ARMC2: variants seen among roughly 807,000 people sequenced by gnomAD.
The protein encoded by ARMC2 is armadillo repeat-containing protein 2.
A neutral mutation model predicts 90.3 loss-of-function variants in ARMC2; 67 were observed. That is an observed-to-expected ratio of 0.74 (90% CI 0.61 to 0.91). The LOEUF (loss-of-function observed/expected upper bound fraction) is 0.91, where lower values mean the gene tolerates loss of function less well. Ranked by LOEUF, ARMC2 falls within the 40% of genes least tolerant of loss-of-function variation. ARMC2 has a pLI of 0.00. For synonymous variants in ARMC2, 393 were observed against 393.0 expected (o/e 1.00, Z 0.00); for missense variants, 920 against 1,030.9 (o/e 0.89, Z 1.47).
the ARMC2 span, among the ~76,000 whole-genome samples, chr6:108,991,156 C>G: frequency 9.9e-5 from 15 of 152,202 alleles, no homozygotes; most frequent in Non-Finnish European, 2.1e-4. Flanking sequence ...CTCAGCCCCC[C>G]AGATGTGACC....
intron 5 of ARMC2, among the ~76,000 whole-genome samples, chr6:108,890,229 A>C (rs1212355346): frequency 3.2e-5 from 4 of 125,238 alleles, no homozygotes; most frequent in Admixed American, 1.6e-4. Context: ...AAAAAAAAAA[A>C]CAGTGGTTTC....
chr6:108,873,016 T>C (rs1776579099), intron 4 of ARMC2, among the ~76,000 whole-genome samples: 1 of 152,170 alleles, frequency 6.6e-6, no homozygotes, highest in East Asian at 1.9e-4. Flanking sequence ...ATCTGTCTTT[T>C]GGGAACACAA....
intron 4 of ARMC2, among the ~76,000 whole-genome samples, chr6:108,874,684 G>A: frequency 6.6e-6 from 1 of 152,134 alleles, no homozygotes; most frequent in African/African-American, 2.4e-5. Flanking sequence ...GGTGTGAATT[G>A]AGCATCCACA....
chr6:108,959,613 C>T (rs1425142363), intron 13 of ARMC2: 3 of 152,162 alleles, frequency 2.0e-5, no homozygotes, highest in African/African-American at 7.2e-5. Flanking sequence ...AAGCTGCAGT[C>T]ACTGGCTCAG....
chr6:108,884,709 A>G lies in ARMC2; in HGVS notation c.671+8359A>G, dbSNP rs142838411. Reference sequence around the variant, plus strand: ...AGGGACACATGACAGATGGCCTTCAATGCTACTCCCAGGTATGTGGGTCCA... The same window carrying G: ...AGGGACACATGACAGATGGCCTTCAGTGCTACTCCCAGGTATGTGGGTCCA... On this transcript the variant is annotated intron_variant, in intron 5 of 17. Coordinates refer to ENST00000392644, the MANE Select transcript of ARMC2 (RefSeq NM_032131.6). Among the ~76,000 whole-genome samples the G allele has an allele frequency of 4.2e-4, 64 of 152,330 alleles. 1 individual carries two copies. Among genetic ancestry groups the G allele is most frequent in the African/African-American group, 1.4e-3 (58 of 41,582 alleles).
At chr6:108,930,695 C>T (rs1775469554) in intron 11 of ARMC2, among the ~76,000 whole-genome samples, 1 of 145,762 alleles carries the variant, frequency 6.9e-6, no homozygotes, top group Non-Finnish European at 1.5e-5. Flanking sequence ...CTCCCAGGTT[C>T]ATGCCATTCT....
intron 5 of ARMC2, among the ~76,000 whole-genome samples, chr6:108,891,831 T>C (rs1231862956): frequency 6.6e-6 from 1 of 152,274 alleles, no homozygotes; most frequent in Non-Finnish European, 1.5e-5. Flanking sequence ...CATGCCTATG[T>C]CCTGAATGGT....
At chr6:108,854,119 A>G (rs950365319) in intron 1 of ARMC2, 106 bp from the exon 2 acceptor site, 7 of 585,382 alleles carry the variant, frequency 1.2e-5, no homozygotes, top group Non-Finnish European at 2.0e-5. Context: ...TGGATTTTTA[A>G]AAGCTTAATA....
At chr6:108,884,084 A>C (rs1055892501) in intron 5 of ARMC2, among the ~76,000 whole-genome samples, 18 of 152,226 alleles carry the variant, frequency 1.2e-4, no homozygotes, top group African/African-American at 3.6e-4. Flanking sequence ...AATGTGGCTG[A>C]GAAACTTTCC....
chr6:109,030,123 T>C, the ARMC2 span, among the ~76,000 whole-genome samples: 1 of 152,178 alleles, frequency 6.6e-6, no homozygotes, highest in East Asian at 1.9e-4. Flanking sequence ...CTGCTTCCTC[T>C]GATTCTCCAC....
chr6:108,935,677 A>G (rs537713104), intron 11 of ARMC2, among the ~76,000 whole-genome samples: 5 of 152,188 alleles, frequency 3.3e-5, no homozygotes, highest in Admixed American at 6.5e-5. Context: ...TCCTGGCCTC[A>G]AGTGATCCTC....
chr6:108,938,970 A>G (rs1233939515), intron 12 of ARMC2, among the ~76,000 whole-genome samples: 1 of 152,132 alleles, frequency 6.6e-6, no homozygotes, highest in Non-Finnish European at 1.5e-5. Flanking sequence ...GAGTAACTAA[A>G]TGTCCTAAAG....
intron 13 of ARMC2, among the ~76,000 whole-genome samples, chr6:108,954,589 A>G (rs1470194723): frequency 6.6e-6 from 1 of 152,210 alleles, no homozygotes; most frequent in Non-Finnish European, 1.5e-5. Context: ...GTGCCACTGC[A>G]TTCCAGCCTA....
chr6:108,962,036 T>C lies in ARMC2; in HGVS notation c.2061T>C (p.Ser687=), dbSNP rs1191296458. The C allele has an allele frequency of 2.5e-6, 4 of 1,612,300 alleles. No individual in the cohort carries two copies. The highest frequency in any genetic ancestry group is 1.3e-5 in the African/African-American group (1 of 74,880). The part of the protein sequence containing the change: ...IAELLLKLLV[S]NNMDGILEAV... ...CAGTGCTCTTAAAGCTTCTTGTCAG[T>C]AACAACATGGATGGAATCCTGGAGG... Residue 687 remains serine, a synonymous_variant, in exon 15 of 18, where the codon AGT becomes AGC. Coordinates refer to ENST00000392644, the MANE Select transcript of ARMC2 (RefSeq NM_032131.6).
chr6:109,043,964 AT>A, the ARMC2 span, among the ~76,000 whole-genome samples: 1 of 152,196 alleles, frequency 6.6e-6, no homozygotes, highest in Non-Finnish European at 1.5e-5. Context: ...ACACATATCA[AT>A]GGAACAGAAT....
At chr6:109,015,439 T>C in the ARMC2 span, among the ~76,000 whole-genome samples, 1 of 152,330 alleles carries the variant, frequency 6.6e-6, no homozygotes, top group Non-Finnish European at 1.5e-5. Flanking sequence ...CAAGATACCA[T>C]TGTTTGACAA....
At chr6:108,939,344 C>G (rs1776250428) in intron 12 of ARMC2, among the ~76,000 whole-genome samples, 1 of 152,000 alleles carries the variant, frequency 6.6e-6, no homozygotes, top group Admixed American at 6.6e-5. Context: ...GGAGGTGGGG[C>G]CTGGTGGGAG....
intron 8 of ARMC2, among the ~76,000 whole-genome samples, chr6:108,905,918 G>T (rs769646437): frequency 1.3e-5 from 2 of 152,150 alleles, no homozygotes; most frequent in African/African-American, 2.4e-5. Flanking sequence ...TCTACTGCCT[G>T]GATCTCCTGT....
intron 12 of ARMC2, among the ~76,000 whole-genome samples, chr6:108,941,726 A>C (rs1417267117): frequency 6.6e-6 from 1 of 152,182 alleles, no homozygotes; most frequent in Non-Finnish European, 1.5e-5. Context: ...TGTGCTTGGA[A>C]CAAAGTTTAC....
Sources: gnomAD v4.1 joint callset for allele counts (sites outside exome capture counted in the v4.1 genomes callset) on GRCh38, gnomAD v4.1.1 for gene constraint, MANE v1.5 for transcripts, NCBI Gene and HGNC (gene_info 2026-07-23, HGNC 2026-07-21) for gene names.